The following CHD6 variants were observed in gnomAD, a reference collection of about 807,000 sequenced individuals.
CHD6 encodes chromodomain helicase DNA binding protein 6.
Under a neutral mutation model 276.9 loss-of-function variants are expected in CHD6, and 50 were observed. That is an observed-to-expected ratio of 0.18 (90% CI 0.14 to 0.23). The LOEUF (loss-of-function observed/expected upper bound fraction) is 0.23, where lower values mean the gene tolerates loss of function less well. Ranked by LOEUF, CHD6 falls within the 10% of genes least tolerant of loss-of-function variation. The probability of loss-of-function intolerance (pLI) is 1.00; values close to 1 mark genes in which losing one functional copy is unlikely to be tolerated. For synonymous variants in CHD6, 1,173 were observed against 1,229.3 expected (o/e 0.95, Z 0.96); for missense variants, 2,564 against 3,365.8 (o/e 0.76, Z 5.89).
At chr20:41,539,060 C>T (rs1383669524) in intron 2 of CHD6, among the ~76,000 whole-genome samples, 2 of 152,208 alleles carry the variant, frequency 1.3e-5, no homozygotes, top group African/African-American at 4.8e-5. Flanking sequence ...TTGCTCTAAA[C>T]CCAGCAATTA....
chr20:41,575,475 T>C (rs2045464549), intron 1 of CHD6, among the ~76,000 whole-genome samples: 2 of 152,170 alleles, frequency 1.3e-5, no homozygotes, highest in Non-Finnish European at 2.9e-5. Context: ...GTTCATGTCA[T>C]AAATACCAAG....
Position 41,498,189 on chromosome 20 carries a change from A to T in CHD6, c.953T>A (p.Phe318Tyr). The change falls in exon 7 of 37, where the codon TTC (phenylalanine) becomes TAC (tyrosine). Residue 318 changes from phenylalanine (F) to tyrosine (Y), a missense_variant. This residue lies in a region of CHD6 where 457 missense variants were observed against 889.0 expected (regional missense o/e 0.51). Transcript: ENST00000373233. ...PGEPPFDLEL[F>Y]YVKYRNFSYL... ...GTACAAATTTCTATACTTAACGTAG[A>T]ACAGCTCCAAGTCGAACGGAGGTTC... 6.2e-7 allele frequency: 1 copy of T among 1,611,764 alleles called. No individual in the cohort carries two copies. Among genetic ancestry groups the T allele is most frequent in the East Asian group, 2.2e-5 (1 of 44,772 alleles).
intron 5 of CHD6, among the ~76,000 whole-genome samples, chr20:41,504,098 A>G (rs1003824814): frequency 8.7e-5 from 13 of 149,224 alleles, no homozygotes; most frequent in African/African-American, 3.2e-4. Flanking sequence ...AAAAAAAAAA[A>G]AAAAAAGAAA....
intron 17 of CHD6, among the ~76,000 whole-genome samples, chr20:41,458,848 A>G (rs2048457033): frequency 6.6e-6 from 1 of 152,118 alleles, no homozygotes; most frequent in Non-Finnish European, 1.5e-5. Flanking sequence ...AGAGGTGGCC[A>G]TGCCATGTGA....
chr20:41,490,564 A>G (rs1600994346), intron 11 of CHD6, among the ~76,000 whole-genome samples: 1 of 152,266 alleles, frequency 6.6e-6, no homozygotes, highest in Non-Finnish European at 1.5e-5. Flanking sequence ...TGTAATCCCA[A>G]CATTTTGGGA....
intron 2 of CHD6, among the ~76,000 whole-genome samples, chr20:41,550,336 T>C (rs991489525): frequency 7.2e-5 from 11 of 152,220 alleles, no homozygotes; most frequent in African/African-American, 2.7e-4. Flanking sequence ...TGACAACTCT[T>C]TGAGCTAGGA....
chr20:41,569,332 T>C (rs1284253632), intron 1 of CHD6, among the ~76,000 whole-genome samples: 1 of 152,254 alleles, frequency 6.6e-6, no homozygotes, highest in African/African-American at 2.4e-5. Context: ...CTACACCATA[T>C]GTGATTCATT....
rs760720049 is a variant in CHD6, at chr20:41,420,925, T to C, written c.5710A>G (p.Lys1904Glu). The C allele has an allele frequency of 1.2e-5, 20 of 1,614,176 alleles. No individual in the cohort carries two copies. The highest frequency in any genetic ancestry group is 1.2e-4 in the Admixed American group (7 of 60,030). The change falls in exon 31 of 37, where the codon AAG becomes GAG. Residue 1904 changes from lysine (K) to glutamate (E), a missense_variant. Physicochemically the swap from Lys to Glu is moderately conservative, Grantham distance 56 (BLOSUM62 1). Transcript: ENST00000373233. ...GTTTCATCTTGGAAGCCTTGGTTCT[T>C]TTCCCTTGAGATGTTAGTAGTGGGC... ...TEPTTNISRE[K>E]NQGFQDETKK...
chr20:41,541,720 G>C (rs921285289), intron 2 of CHD6, among the ~76,000 whole-genome samples: 2 of 152,196 alleles, frequency 1.3e-5, no homozygotes, highest in African/African-American at 2.4e-5. Context: ...GGTGTCAAAC[G>C]CTGCTGAGAA....
At chr20:41,576,832 CAGATTCTTGAGGATGT>C (rs1481676427) in intron 1 of CHD6, among the ~76,000 whole-genome samples, 1 of 152,202 alleles carries the variant, frequency 6.6e-6, no homozygotes, top group Non-Finnish European at 1.5e-5. Flanking sequence ...TTACAATGTT[CAGATTCTTGAGGATGT>C]AGTCATGTTC....
chr20:41,546,052 C>A (rs2045034076), intron 2 of CHD6, among the ~76,000 whole-genome samples: 1 of 152,142 alleles, frequency 6.6e-6, no homozygotes, highest in South Asian at 2.1e-4. Flanking sequence ...TGTAACCAGG[C>A]TAGAAATTTC....
intron 24 of CHD6, among the ~76,000 whole-genome samples, chr20:41,446,781 G>A (rs1168077817): frequency 6.6e-6 from 1 of 152,144 alleles, no homozygotes; most frequent in Non-Finnish European, 1.5e-5. Flanking sequence ...TCCACAAGAA[G>A]GTATTCAACC....
rs1555811160 is a variant in CHD6 at position 41,593,206 on chromosome 20, G to GGGC, written c.-24+25133_-24+25134insGCC. Among the ~76,000 whole-genome samples the GGGC allele has an allele frequency of 4.0e-5, 6 of 150,910 alleles. 1 individual carries two copies. The highest frequency in any genetic ancestry group is 8.9e-5 in the Non-Finnish European group (6 of 67,594). On this transcript the variant is annotated intron_variant, in intron 1 of 36. Transcript: ENST00000373233. ...TTTAACTCAGCCCAATCAAAAAGGG[G>GGGC]GGGGGGGGTTAAATAGTAAAAGAGG...
intron 27 of CHD6, among the ~76,000 whole-genome samples, chr20:41,427,445 C>T (rs1025612844): frequency 2.0e-5 from 3 of 152,248 alleles, no homozygotes; most frequent in South Asian, 4.1e-4. Context: ...GAGATAGAAA[C>T]CATTACTATG....
At chr20:41,612,469 T>C (rs964200740) in intron 1 of CHD6, among the ~76,000 whole-genome samples, 3 of 152,226 alleles carry the variant, frequency 2.0e-5, no homozygotes, top group Non-Finnish European at 4.4e-5. Context: ...GTGTCATCAC[T>C]TACAATGTGA....
intron 3 of CHD6, among the ~76,000 whole-genome samples, chr20:41,525,563 T>A (rs966218925): frequency 6.6e-6 from 1 of 152,234 alleles, no homozygotes; most frequent in East Asian, 1.9e-4. Context: ...ATAGCTCTCA[T>A]CTGTGAAATA....
intron 27 of CHD6, among the ~76,000 whole-genome samples, chr20:41,430,433 G>A (rs2047501364): frequency 6.6e-6 from 1 of 152,210 alleles, no homozygotes; most frequent in Admixed American, 6.5e-5. Flanking sequence ...TAATGTCAGT[G>A]GCTTTCAGAG....
chr20:41,578,186 C>T (rs2045494726), intron 1 of CHD6, among the ~76,000 whole-genome samples: 2 of 151,786 alleles, frequency 1.3e-5, no homozygotes, highest in Admixed American at 6.6e-5. Flanking sequence ...TAGCCAGAAA[C>T]CACAAATGCA....
At chr20:41,431,917 T>C (rs1174092411) in intron 27 of CHD6, among the ~76,000 whole-genome samples, 2 of 151,704 alleles carry the variant, frequency 1.3e-5, no homozygotes, top group African/African-American at 4.8e-5. Flanking sequence ...CCAGCACTTT[T>C]GGAGGCCAAG....
Sources: gnomAD v4.1 joint callset for allele counts (sites outside exome capture counted in the v4.1 genomes callset) on GRCh38, gnomAD v4.1.1 for gene constraint, gnomAD v4.1.1 regional missense constraint, MANE v1.5 for transcripts, NCBI Gene and HGNC (gene_info 2026-07-23, HGNC 2026-07-21) for gene names.